The following TM2D3 variants were observed in gnomAD, a reference collection of about 807,000 sequenced individuals.
The protein encoded by TM2D3 is TM2 domain-containing protein 3.
TM2D3 carries 33 observed loss-of-function variants against 27.3 expected under a neutral mutation model. The ratio of observed to expected loss-of-function variants is 1.21; its 90% CI spans 0.92 to 1.61. The LOEUF (loss-of-function observed/expected upper bound fraction) is 1.61, where lower values mean the gene tolerates loss of function less well. TM2D3 is among the 40% of genes most tolerant of loss of function. The pLI is 0.00. For missense variants in TM2D3, 364 were observed against 320.8 expected (o/e 1.13, Z -1.03); for synonymous variants, 138 against 122.2 (o/e 1.13, Z -0.85).
intron 5 of TM2D3, 81 bp downstream of exon 5, chr15:101,645,006 G>T (rs1896767069): frequency 8.4e-7 from 1 of 1,195,512 alleles, no homozygotes; most frequent in South Asian, 1.3e-5. Context: ...GAATGAAGGG[G>T]ACTGAGCTCA....
intron 4 of TM2D3, chr15:101,633,777 A>C (rs943042795): frequency 6.9e-7 from 1 of 1,455,146 alleles, no homozygotes; most frequent in Non-Finnish European, 9.2e-7. Context: ...ATTAGTTCTT[A>C]TGACATAATA....
At chr15:101,635,791 T>C (rs960029738) in intron 4 of TM2D3, 13 of 152,300 alleles carry the variant, frequency 8.5e-5, no homozygotes, top group Admixed American at 2.6e-4. Flanking sequence ...TACGCTTAAG[T>C]GTTCTATAGT....
At chr15:101,633,790 C>G (rs767718493) in intron 4 of TM2D3, 1 of 1,381,574 alleles carries the variant, frequency 7.2e-7, no homozygotes, top group Non-Finnish European at 9.8e-7. Flanking sequence ...ACATAATATC[C>G]AACATGTCCA....
chr15:101,633,000 A>G (rs1443426650), exon 5 of TM2D3: 2 of 152,250 alleles, frequency 1.3e-5, no homozygotes, highest in Non-Finnish European at 2.9e-5. Flanking sequence ...GAAGGCCAGA[A>G]GGACGTGTCA....
At chr15:101,633,028 T>G (rs569922127) in exon 5 of TM2D3, 70 of 152,320 alleles carry the variant, frequency 4.6e-4, no homozygotes, top group African/African-American at 1.5e-3. Context: ...TTTCAAGTGC[T>G]GAAAGAAAAA....
chr15:101,636,575 ACTC>A (rs757695100), intron 4 of TM2D3: 1 of 166,420 alleles, frequency 6.0e-6, no homozygotes, highest in Non-Finnish European at 1.3e-5. Context: ...GTGCGTGAGT[ACTC>A]CTCCTTCAGG....
At chr15:101,641,838 G>T (rs966937050), downstream of TM2D3, 2 of 850,052 alleles carry the variant, frequency 2.4e-6, no homozygotes, top group Non-Finnish European at 2.8e-6. Context: ...TAGAAAACAG[G>T]CCCACAGTAT....
At position 101,646,823 on chromosome 15, in the gene TM2D3, T is replaced by A. The variant is rs1338181770; in HGVS notation, c.404A>T (p.Asp135Val). Residue 135 changes from aspartate to valine, a missense_variant, in exon 4 of 6, where the codon GAT (aspartate) becomes GTT (valine). By Grantham distance (152) the Asp-to-Val change is radical. Coordinates refer to ENST00000333202, the MANE Select transcript of TM2D3 (RefSeq NM_078474.3). ...GCTGGTGGAGTTGGTACACTCGTAA[T>A]CTGTTTCAGGAAGCTGCCAGCAAAA... Reference protein sequence around the residue: ...CRFCWQLPETDYECTNSTSCM... With the variant: ...CRFCWQLPETVYECTNSTSCM... 1 of 1,614,208 alleles carries A rather than the reference T, an allele frequency of 6.2e-7. No homozygotes were observed. Among genetic ancestry groups the A allele is most frequent in the Admixed American group, 1.7e-5 (1 of 60,030 alleles).
At chr15:101,644,547 T>C (rs1353654169) in intron 5 of TM2D3, among the ~76,000 whole-genome samples, 17 of 152,206 alleles carry the variant, frequency 1.1e-4, no homozygotes, top group Admixed American at 1.1e-3. Flanking sequence ...GCGTAACCTT[T>C]TCACTAATCA....
intron 5 of TM2D3, among the ~76,000 whole-genome samples, chr15:101,643,599 TAAAAAAAA>T (rs1158728522): frequency 6.3e-5 from 3 of 47,342 alleles, no homozygotes; most frequent in African/African-American, 2.4e-4. Flanking sequence ...GAGACTCCGT[TAAAAAAAA>T]AAAAAAAAAA....
At chr15:101,635,324 T>A (rs1179153766) in intron 4 of TM2D3, 2 of 152,138 alleles carry the variant, frequency 1.3e-5, no homozygotes, top group Admixed American at 6.5e-5. Flanking sequence ...TGTCTCAAAT[T>A]AGTGACCCAA....
intron 3 of TM2D3, among the ~76,000 whole-genome samples, chr15:101,648,473 T>G (rs556078795): frequency 6.6e-6 from 1 of 152,340 alleles, no homozygotes; most frequent in South Asian, 2.1e-4. Context: ...TTTAATGGTT[T>G]TTTAAAAAGT....
chr15:101,645,535 G>A (rs940010855), intron 4 of TM2D3: 10 of 187,226 alleles, frequency 5.3e-5, no homozygotes, highest in Non-Finnish European at 9.8e-5. Context: ...GGTCACACAC[G>A]GATCAACAGG....
downstream of TM2D3, among the ~76,000 whole-genome samples, chr15:101,638,890 T>G (rs1281233343): frequency 1.3e-5 from 2 of 152,064 alleles, no homozygotes; most frequent in Non-Finnish European, 2.9e-5. Flanking sequence ...TACTTTTAGG[T>G]GTTTAGCTTA....
intron 3 of TM2D3, among the ~76,000 whole-genome samples, chr15:101,649,719 T>C (rs570933275): frequency 5.3e-5 from 8 of 152,352 alleles, no homozygotes; most frequent in African/African-American, 1.9e-4. Context: ...GATATGCTAG[T>C]AGACTGAGAT....
chr15:101,650,293 G>C, intron 2 of TM2D3, 132 bp from the exon 3 acceptor site: 10 of 884,348 alleles, frequency 1.1e-5, no homozygotes, highest in Non-Finnish European at 1.7e-5. Flanking sequence ...CATGGGACTG[G>C]AGTCAGAGAC....
chr15:101,651,652 A>C, intron 2 of TM2D3, 44 bp downstream of exon 2: 90 of 1,545,546 alleles, frequency 5.8e-5, no homozygotes, highest in Non-Finnish European at 7.4e-5. Context: ...AGAAACTACT[A>C]GAGATAACTA....
chr15:101,645,773 A>G (rs1027855139), intron 4 of TM2D3: 2 of 151,150 alleles, frequency 1.3e-5, no homozygotes, highest in Admixed American at 1.3e-4. Context: ...TCCAGTAATT[A>G]TATTTTTAAA....
At chr15:101,646,965 C>A in intron 3 of TM2D3, 66 bp from the exon 4 acceptor site, 7 of 1,570,530 alleles carry the variant, frequency 4.5e-6, no homozygotes, top group Non-Finnish European at 5.2e-6. Context: ...GTCAGTAAGA[C>A]TACACAGTCA....
Sources: allele counts gnomAD v4.1 joint callset (sites outside exome capture counted in the v4.1 genomes callset), GRCh38; gene constraint gnomAD v4.1.1; transcripts MANE v1.5; gene names NCBI Gene and HGNC (gene_info 2026-07-23, HGNC 2026-07-21).